ZFR: variants seen among roughly 807,000 people sequenced by gnomAD.
The protein encoded by ZFR is zinc finger RNA binding protein.
A neutral mutation model predicts 130.7 loss-of-function variants in ZFR; 19 were observed. That is an observed-to-expected ratio of 0.15 (90% CI 0.10 to 0.21). The LOEUF is 0.21. ZFR is among the 10% of genes least tolerant of loss of function. The pLI is 1.00. For missense variants in ZFR, 872 were observed against 1,321.5 expected (o/e 0.66, Z 5.27); for synonymous variants, 466 against 456.9 (o/e 1.02, Z -0.25).
intron 11 of ZFR, among the ~76,000 whole-genome samples, chr5:32,394,768 C>G (rs1009712930): frequency 9.2e-5 from 14 of 152,058 alleles, no homozygotes; most frequent in African/African-American, 3.1e-4. Flanking sequence ...TTTCTCAATT[C>G]TCCTTCCCTG....
chr5:32,428,169 T>C (rs1268066476), intron 2 of ZFR, among the ~76,000 whole-genome samples: 2 of 152,328 alleles, frequency 1.3e-5, no homozygotes, highest in African/African-American at 4.8e-5. Context: ...TGTGTGGCAC[T>C]GTGGGAGGCC....
At chr5:32,423,524 T>C (rs919057478) in intron 2 of ZFR, among the ~76,000 whole-genome samples, 2 of 151,848 alleles carry the variant, frequency 1.3e-5, no homozygotes, top group African/African-American at 2.4e-5. Flanking sequence ...AACTTTATAC[T>C]ACCTAGAAGA....
At chr5:32,395,661 A>T (rs1460318922) in intron 10 of ZFR, among the ~76,000 whole-genome samples, 2 of 152,142 alleles carry the variant, frequency 1.3e-5, no homozygotes, top group East Asian at 1.9e-4. Context: ...GCCACCCCTG[A>T]GAGAGTAAGA....
At chr5:32,430,389 T>C (rs974400384) in intron 2 of ZFR, among the ~76,000 whole-genome samples, 1 of 151,390 alleles carries the variant, frequency 6.6e-6, no homozygotes, top group African/African-American at 2.4e-5. Context: ...AATGAGAAAA[T>C]TATCTGTAAA....
At chr5:32,437,293 C>T (rs189829881) in intron 2 of ZFR, among the ~76,000 whole-genome samples, 141 of 152,242 alleles carry the variant, frequency 9.3e-4, no homozygotes, top group Middle Eastern at 3.4e-3. Flanking sequence ...GAAGTGTAAA[C>T]TCCCTGAAAG....
chr5:32,433,718 CA>C (rs373337213), intron 2 of ZFR, among the ~76,000 whole-genome samples: 1 of 152,302 alleles, frequency 6.6e-6, no homozygotes, highest in East Asian at 1.9e-4. Context: ...TTATATAAAG[CA>C]TCTGTTTTCA....
intron 5 of ZFR, among the ~76,000 whole-genome samples, chr5:32,407,766 C>T (rs1338686615): frequency 6.6e-6 from 1 of 152,116 alleles, no homozygotes; most frequent in Non-Finnish European, 1.5e-5. Context: ...GAATTCTACC[C>T]ATTTCCATTG....
chr5:32,404,062 T>A lies in ZFR; in HGVS notation c.1068A>T (p.Lys356Asn). 2 of 1,612,014 alleles carry A rather than the reference T, an allele frequency of 1.2e-6. No individual in the cohort carries two copies. Among genetic ancestry groups the A allele is most frequent in the Non-Finnish European group, 1.7e-6 (2 of 1,179,510 alleles). ...AGGCTTTCAATGCAGCTTCTTTTTTTTTATGTTTCTGTCCTTCTAAATGTT... is the reference window on the plus strand; with the variant it reads ...AGGCTTTCAATGCAGCTTCTTTTTTATTATGTTTCTGTCCTTCTAAATGTT... ...YKEHLEGQKHKKKEAALKASQ... is the reference protein window; with the variant it reads ...YKEHLEGQKHNKKEAALKASQ... The change falls in exon 7 of 20, where the codon AAA becomes AAT. Residue 356 changes from lysine (K) to asparagine (N), a missense_variant. Lys to Asn is a moderately conservative substitution (Grantham distance 94, BLOSUM62 0). Transcript: ENST00000265069.
At chr5:32,408,488 TA>T (rs1561900677) in intron 5 of ZFR, among the ~76,000 whole-genome samples, 2 of 152,200 alleles carry the variant, frequency 1.3e-5, no homozygotes, top group East Asian at 3.8e-4. Context: ...ATATCTGTTA[TA>T]AAGATATTAT....
At chr5:32,432,394 T>G (rs116311355) in intron 2 of ZFR, among the ~76,000 whole-genome samples, 3 of 152,200 alleles carry the variant, frequency 2.0e-5, no homozygotes, top group Non-Finnish European at 4.4e-5. Context: ...TTTGCATTTC[T>G]ATGGTAGTCA....
At chr5:32,398,342 T>C (rs1753366740) in intron 9 of ZFR, among the ~76,000 whole-genome samples, 2 of 152,248 alleles carry the variant, frequency 1.3e-5, no homozygotes, top group South Asian at 4.1e-4. Flanking sequence ...CAAGGTTTTA[T>C]AATATGTAAC....
intron 4 of ZFR, among the ~76,000 whole-genome samples, chr5:32,415,399 T>C (rs1007394197): frequency 6.6e-6 from 1 of 152,208 alleles, no homozygotes; most frequent in Non-Finnish European, 1.5e-5. Flanking sequence ...AAATGCTTTC[T>C]ATGTATTTCC....
At chr5:32,418,664 C>T (rs1320008576) in intron 3 of ZFR, among the ~76,000 whole-genome samples, 1 of 152,128 alleles carries the variant, frequency 6.6e-6, no homozygotes, top group Non-Finnish European at 1.5e-5. Context: ...AATCACACCT[C>T]AAAAGGAATT....
chr5:32,418,753 T>C (rs571371601), intron 3 of ZFR, among the ~76,000 whole-genome samples: 8 of 152,330 alleles, frequency 5.3e-5, no homozygotes, highest in Admixed American at 3.9e-4. Context: ...TGCATAAATT[T>C]CTATGCTTTA....
chr5:32,379,031 G>A, intron 17 of ZFR, 84 bp downstream of exon 17: 1 of 1,019,936 alleles, frequency 9.8e-7, no homozygotes, highest in Non-Finnish European at 1.5e-6. Context: ...AAATAAGGCT[G>A]ATAATTACAT....
At chr5:32,440,634 G>A (rs1754448897) in intron 2 of ZFR, among the ~76,000 whole-genome samples, 2 of 150,058 alleles carry the variant, frequency 1.3e-5, no homozygotes, top group Non-Finnish European at 3.0e-5. Context: ...GTGACAGAAG[G>A]AGACTCTGTC....
chr5:32,405,394 C>T (rs1178882536), intron 6 of ZFR, among the ~76,000 whole-genome samples: 1 of 152,154 alleles, frequency 6.6e-6, no homozygotes. Flanking sequence ...TGATATTTTT[C>T]GCTAAGGCTC....
At chr5:32,357,965 A>G (rs1418841293) in intron 19 of ZFR, among the ~76,000 whole-genome samples, 1 of 152,234 alleles carries the variant, frequency 6.6e-6, no homozygotes, top group African/African-American at 2.4e-5. Flanking sequence ...CTTCTGTGCC[A>G]TAACTACAGT....
rs186490052 is a variant in ZFR, at chr5:32,404,536, C to A, written c.1033-439G>T. Among the ~76,000 whole-genome samples the A allele has an allele frequency of 4.9e-4, 74 of 152,232 alleles. 1 individual carries two copies. Among genetic ancestry groups the A allele is most frequent in the African/African-American group, 1.7e-3 (71 of 41,550 alleles). ...GTGGAACAAGATTCTTTACAAACAGCTATGTTTATAAAACTGACTTTTCTA... is the reference window on the plus strand; with the variant it reads ...GTGGAACAAGATTCTTTACAAACAGATATGTTTATAAAACTGACTTTTCTA... On this transcript the variant is annotated intron_variant, in intron 6 of 19. Coordinates refer to ENST00000265069, the MANE Select transcript of ZFR (RefSeq NM_016107.5).
Sources: allele counts gnomAD v4.1 joint callset (sites outside exome capture counted in the v4.1 genomes callset), GRCh38; gene constraint gnomAD v4.1.1; transcripts MANE v1.5; gene names NCBI Gene and HGNC (gene_info 2026-07-23, HGNC 2026-07-21).